Variants in CX3CR1 observed in about 807,000 individuals in gnomAD.
The protein encoded by CX3CR1 is C-X3-C motif chemokine receptor 1, also known as CX3C chemokine receptor 1.
For synonymous variants in CX3CR1, 168 were observed against 178.5 expected (o/e 0.94, Z 0.47); for missense variants, 363 against 432.4 (o/e 0.84, Z 1.42).
At chr3:39,267,422 AC>A (rs1417829884) in intron 1 of CX3CR1, among the ~76,000 whole-genome samples, 1 of 152,080 alleles carries the variant, frequency 6.6e-6, no homozygotes, top group Admixed American at 6.5e-5. Context: ...TTTTTTGAGA[AC>A]CATTTCACCT....
chr3:39,266,426 G>A lies in CX3CR1; in HGVS notation c.84C>T (p.Val28=), dbSNP rs1231346366. 1 of 1,614,198 alleles carries A rather than the reference G, an allele frequency of 6.2e-7. No individual in the cohort carries two copies. Among genetic ancestry groups the A allele is most frequent in the South Asian group, 1.1e-5 (1 of 91,080 alleles). The change falls in exon 2 of 2, where the codon GTC becomes GTT. Residue 28 remains valine (V), a synonymous_variant. Transcript: ENST00000399220. ...ATATGGACAGGAACACAGTCCCAAA[G>A]ACCACGATGTCCCCAATATAACAGG... is the stretch of plus-strand genomic sequence containing the variant. ...AEACYIGDIV[V]FGTVFLSIFY... is the part of the protein sequence containing the mutation.
At chr3:39,280,957 C>T (rs2040890296), upstream of CX3CR1, 1 of 368,918 alleles carries the variant, frequency 2.7e-6, no homozygotes, top group Non-Finnish European at 3.8e-6. Flanking sequence ...GCCTTCAATA[C>T]ACCTTCATTA....
At chr3:39,281,130 A>AGCTGGGGGCTGCAGTGCAGT (rs1444660207), upstream of CX3CR1, 8 of 998,406 alleles carry the variant, frequency 8.0e-6, no homozygotes, top group Admixed American at 2.9e-4. Flanking sequence ...CCCAGGACAG[A>AGCTGGGGGCTGCAGTGCAGT]GCTGGGGGCT....
chr3:39,265,841 G>T lies in CX3CR1; in HGVS notation c.669C>A (p.Asn223Lys). The part of the protein sequence containing the change: ...RIIQTLFSCK[N>K]HKKAKAIKLI... Reference sequence around the variant, plus strand: ...GTTTAATGGCTTTGGCTTTCTTGTGGTTCTTGCAGGAAAACAGCGTCTGGA... The same window carrying T: ...GTTTAATGGCTTTGGCTTTCTTGTGTTTCTTGCAGGAAAACAGCGTCTGGA... Residue 223 changes from asparagine (N) to lysine (K), a missense_variant, in exon 2 of 2, where the codon AAC becomes AAA. Coordinates refer to ENST00000399220, the MANE Select transcript of CX3CR1 (RefSeq NM_001337.4). 6.2e-7 allele frequency: 1 copy of T among 1,614,220 alleles called. No individual in the cohort carries two copies. The highest frequency in any genetic ancestry group is 8.5e-7 in the Non-Finnish European group (1 of 1,180,038).
chr3:39,291,551 T>C, the CX3CR1 span, among the ~76,000 whole-genome samples: 8 of 152,226 alleles, frequency 5.3e-5, no homozygotes, highest in African/African-American at 1.9e-4. Context: ...TGTTCCTTTT[T>C]TGGGAGGCAC....
upstream of CX3CR1, chr3:39,281,632 A>C (rs555601944): frequency 3.8e-6 from 6 of 1,599,306 alleles, no homozygotes; most frequent in East Asian, 1.1e-4. Flanking sequence ...CTCCACCCAG[A>C]AGCCAGAGAG....
upstream of CX3CR1, chr3:39,280,571 A>G: frequency 1.5e-6 from 1 of 666,208 alleles, no homozygotes; most frequent in Non-Finnish European, 1.9e-6. Context: ...AAGCTTTGGT[A>G]CTGAAGGCAT....
chr3:39,283,823 ATATATATATATATATAT>A (rs1559371994), upstream of CX3CR1, among the ~76,000 whole-genome samples: 7 of 96,100 alleles, frequency 7.3e-5, 1 homozygote, highest in African/African-American at 3.0e-4. Context: ...ATATATATAT[ATATATATATATATATAT>A]AATGTGGTTA....
Position 39,266,334 on chromosome 3 carries a change from C to T in CX3CR1, c.176G>A (p.Ser59Asn), listed in dbSNP as rs753866039. ...NLLVVFALTN[S>N]KKPKSVTDIY... ...GTCGGTGACACTCTTGGGCTTCTTGCTGTTGGTGAGGGCAAACACTACCAA... is the reference window on the plus strand; with the variant it reads ...GTCGGTGACACTCTTGGGCTTCTTGTTGTTGGTGAGGGCAAACACTACCAA... Residue 59 changes from serine (S) to asparagine (N), a missense_variant, in exon 2 of 2, where the codon AGC (serine) becomes AAC (asparagine). Coordinates refer to ENST00000399220, the MANE Select transcript of CX3CR1 (RefSeq NM_001337.4). The T allele has an allele frequency of 1.2e-6, 2 of 1,614,202 alleles. No individual in the cohort carries two copies. The highest frequency in any genetic ancestry group is 1.1e-5 in the South Asian group (1 of 91,082).
At chr3:39,291,981 T>C in the CX3CR1 span, among the ~76,000 whole-genome samples, 1 of 152,218 alleles carries the variant, frequency 6.6e-6, no homozygotes, top group African/African-American at 2.4e-5. Context: ...AAGGGCTGAA[T>C]GACAGGTTCA....
At chr3:39,287,977 G>C in the CX3CR1 span, 2 of 150,388 alleles carry the variant, frequency 1.3e-5, no homozygotes, top group Non-Finnish European at 2.9e-5. Flanking sequence ...GTGTGTGAGA[G>C]AGATGATTTA....
the CX3CR1 span, among the ~76,000 whole-genome samples, chr3:39,288,609 G>T: frequency 6.6e-6 from 1 of 152,348 alleles, no homozygotes; most frequent in East Asian, 1.9e-4. Flanking sequence ...CAGCCCTTTG[G>T]CTTCAGAGCT....
chr3:39,285,215 A>G (rs1282144790), upstream of CX3CR1, among the ~76,000 whole-genome samples: 2 of 72,182 alleles, frequency 2.8e-5, no homozygotes, highest in East Asian at 2.2e-3. Flanking sequence ...TGGTACAGAA[A>G]AAAAAAAAAA....
chr3:39,283,838 T>TATATATAA (rs2040927425), upstream of CX3CR1, among the ~76,000 whole-genome samples: 4 of 114,082 alleles, frequency 3.5e-5, no homozygotes, highest in Non-Finnish European at 7.2e-5. Flanking sequence ...TATATATATA[T>TATATATAA]ATAATGTGGT....
intron 1 of CX3CR1, among the ~76,000 whole-genome samples, chr3:39,279,334 C>G (rs184451633): frequency 1.3e-5 from 2 of 152,048 alleles, no homozygotes; most frequent in East Asian, 3.9e-4. Context: ...AAATGTTATA[C>G]ATATTTTATA....
rs767455598 is a variant in CX3CR1 at position 39,266,323 on chromosome 3, T to C, written c.187A>G (p.Lys63Glu). Residue 63 changes from lysine to glutamate, a missense_variant, in exon 2 of 2, where the codon AAG (lysine) becomes GAG (glutamate). By Grantham distance (56) the Lys-to-Glu change is moderately conservative. Transcript: ENST00000399220. The part of the protein sequence containing the change: ...VFALTNSKKP[K>E]SVTDIYLLNL... ...AGGAGGTAAATGTCGGTGACACTCT[T>C]GGGCTTCTTGCTGTTGGTGAGGGCA... The C allele has an allele frequency of 2.5e-6, 4 of 1,614,094 alleles. No homozygotes were observed. In the Admixed American group the frequency reaches 5.0e-5, roughly 20 times the overall value.
chr3:39,283,883 C>A (rs1246849472), upstream of CX3CR1, among the ~76,000 whole-genome samples: 10 of 123,632 alleles, frequency 8.1e-5, no homozygotes, highest in African/African-American at 2.7e-4. Flanking sequence ...ATAAATAAGA[C>A]CTAGTATTTA....
At chr3:39,279,016 C>T (rs1334181771) in intron 1 of CX3CR1, among the ~76,000 whole-genome samples, 4 of 152,004 alleles carry the variant, frequency 2.6e-5, no homozygotes, top group East Asian at 3.9e-4. Context: ...CAAAATTAGC[C>T]GGGCGGTGGT....
chr3:39,271,834 A>C (rs1414350915), intron 1 of CX3CR1, among the ~76,000 whole-genome samples: 2 of 152,224 alleles, frequency 1.3e-5, no homozygotes, highest in Admixed American at 1.3e-4. Context: ...TTTTTAAGGA[A>C]GACTGAGCCT....
Sources: allele counts gnomAD v4.1 joint callset (sites outside exome capture counted in the v4.1 genomes callset), GRCh38; gene constraint gnomAD v4.1.1; transcripts MANE v1.5; gene names NCBI Gene and HGNC (gene_info 2026-07-23, HGNC 2026-07-21).